Variants in CHD1 observed in about 807,000 individuals in gnomAD.
The protein encoded by CHD1 is ATP-dependent chromatin remodeler CHD1.
CHD1 carries 36 observed loss-of-function variants against 224.2 expected under a neutral mutation model. The ratio of observed to expected loss-of-function variants is 0.16; its 90% CI spans 0.12 to 0.21. CHD1 has a LOEUF of 0.21. Among genes scored for constraint, CHD1 ranks in the 10% least tolerant of loss-of-function variants. The pLI is 1.00. For synonymous variants in CHD1, 668 were observed against 658.3 expected (o/e 1.01, Z -0.23); for missense variants, 1,378 against 1,994.8 (o/e 0.69, Z 5.89).
intron 2 of CHD1, among the ~76,000 whole-genome samples, chr5:98,922,440 ATAGT>A (rs1580537524): frequency 6.6e-6 from 1 of 152,152 alleles, no homozygotes; most frequent in Admixed American, 6.5e-5. Context: ...CTTTCAGTGA[ATAGT>A]TATAGAGAGA....
intron 31 of CHD1, among the ~76,000 whole-genome samples, chr5:98,867,808 T>TG: frequency 6.8e-6 from 1 of 147,766 alleles, no homozygotes; most frequent in Non-Finnish European, 1.5e-5. Flanking sequence ...TTTTTTTTTT[T>TG]TTTTTTTTTT....
At chr5:98,881,831 A>G in intron 20 of CHD1, 144 bp downstream of exon 20, 1 of 648,440 alleles carries the variant, frequency 1.5e-6, no homozygotes, top group Middle Eastern at 4.3e-4. Context: ...TATGTCTTCT[A>G]ACTAGAAATT....
chr5:98,915,722 G>A (rs1015848922), intron 2 of CHD1, among the ~76,000 whole-genome samples: 1 of 152,154 alleles, frequency 6.6e-6, no homozygotes, highest in African/African-American at 2.4e-5. Flanking sequence ...AAAATCAAGT[G>A]AGGTGGGAGA....
At position 98,896,214 on chromosome 5, in the gene CHD1, G is replaced by T; in HGVS notation, c.1710+12C>A. The T allele has an allele frequency of 6.3e-7, 1 of 1,596,812 alleles. No homozygotes were observed. ...ACATTTTGATTTCTACATTTACAGG[G>T]AAACAACTTACCATGTTTCTGCTGT... On this transcript the variant is annotated intron_variant, in intron 12 of 35. Coordinates refer to ENST00000614616, the MANE Select transcript of CHD1 (RefSeq NM_001270.4).
chr5:98,904,028 C>T, intron 3 of CHD1, 120 bp from the exon 4 acceptor site: 1 of 620,330 alleles, frequency 1.6e-6, no homozygotes, highest in East Asian at 2.8e-5. Context: ...GACTATATTC[C>T]TTACCTATAT....
chr5:98,886,448 G>A (rs565534145), intron 17 of CHD1, among the ~76,000 whole-genome samples: 25 of 152,254 alleles, frequency 1.6e-4, no homozygotes, highest in African/African-American at 2.4e-4. Flanking sequence ...CATACTGAAC[G>A]CTTATTAAAC....
chr5:98,916,789 G>A (rs1192079374), intron 2 of CHD1, among the ~76,000 whole-genome samples: 2 of 152,108 alleles, frequency 1.3e-5, no homozygotes, highest in African/African-American at 4.8e-5. Context: ...GTATGTACCA[G>A]ATGCTAGGGT....
At chr5:98,885,534 A>G in intron 18 of CHD1, 44 bp downstream of exon 18, 1 of 1,164,952 alleles carries the variant, frequency 8.6e-7, no homozygotes, top group South Asian at 1.3e-5. Flanking sequence ...ATATACTGAT[A>G]CTAAATCAAA....
rs1315691423 is a variant in CHD1 at position 98,854,144 on chromosome 5, CTAA to C, written c.*2233_*2235del. 1.3e-5 allele frequency: 2 copies of C among 151,622 alleles called. No individual in the cohort carries two copies. Among genetic ancestry groups the C allele is most frequent in the South Asian group, 2.1e-4 (1 of 4,836 alleles). 9.4% of individuals were successfully genotyped at this position (151,622 alleles called of 1,614,324 possible). On this transcript the variant is annotated 3_prime_UTR_variant, in exon 36 of 36. Transcript: ENST00000614616. ...GAGAATGTTCTGCTATATTTATGTA[CTAA>C]TGTTCTTCACCATTGCGTCTTAATT...
At chr5:98,885,468 CTCTT>C in intron 18 of CHD1, 106 bp downstream of exon 18, 1 of 743,098 alleles carries the variant, frequency 1.3e-6, no homozygotes, top group Non-Finnish European at 2.2e-6. Flanking sequence ...GCTAACACCA[CTCTT>C]TTTTTATCAA....
chr5:98,862,976 A>C (rs1352827712), intron 32 of CHD1, among the ~76,000 whole-genome samples: 1 of 152,078 alleles, frequency 6.6e-6, no homozygotes, highest in African/African-American at 2.4e-5. Context: ...TTATTTTCCT[A>C]ATTTTTTGCA....
At chr5:98,905,251 T>A (rs1054626648) in intron 2 of CHD1, among the ~76,000 whole-genome samples, 153 bp from the exon 3 acceptor site, 14 of 152,230 alleles carry the variant, frequency 9.2e-5, no homozygotes, top group Non-Finnish European at 1.9e-4. Context: ...ATTGATTTAA[T>A]CTATAGTAAC....
chr5:98,886,320 C>CT (rs1241972526), intron 17 of CHD1: 4 of 152,208 alleles, frequency 2.6e-5, no homozygotes, highest in African/African-American at 9.7e-5. Flanking sequence ...TCTCCACAAA[C>CT]TTTTTCACCA....
At chr5:98,910,268 T>C (rs866790053) in intron 2 of CHD1, among the ~76,000 whole-genome samples, 1 of 152,184 alleles carries the variant, frequency 6.6e-6, no homozygotes, top group Non-Finnish European at 1.5e-5. Flanking sequence ...TTTATTTCAA[T>C]TTTAATAGTT....
At chr5:98,884,232 C>A (rs1053210866) in intron 18 of CHD1, among the ~76,000 whole-genome samples, 2 of 151,884 alleles carry the variant, frequency 1.3e-5, no homozygotes, top group Non-Finnish European at 2.9e-5. Flanking sequence ...CGCCACTACG[C>A]CCAGCTAATT....
chr5:98,898,831 C>T, intron 8 of CHD1, 67 bp from the exon 9 acceptor site: 2 of 854,262 alleles, frequency 2.3e-6, no homozygotes, highest in Non-Finnish European at 3.9e-6. Flanking sequence ...CTCCCCCATC[C>T]CCAACACTAT....
intron 31 of CHD1, among the ~76,000 whole-genome samples, chr5:98,864,694 AT>A (rs1461798931): frequency 3.9e-5 from 6 of 152,266 alleles, no homozygotes; most frequent in African/African-American, 1.4e-4. Flanking sequence ...TTTCAAAAAA[AT>A]AAAATAATAA....
intron 2 of CHD1, among the ~76,000 whole-genome samples, chr5:98,905,837 A>G (rs1409444634): frequency 6.6e-6 from 1 of 152,176 alleles, no homozygotes; most frequent in African/African-American, 2.4e-5. Flanking sequence ...TCCAAGATAG[A>G]GCAGAAATAG....
intron 26 of CHD1, among the ~76,000 whole-genome samples, 164 bp downstream of exon 26, chr5:98,873,429 T>A (rs1340228600): frequency 3.9e-5 from 6 of 152,192 alleles, no homozygotes; most frequent in South Asian, 2.1e-4. Context: ...CGAATTGCAA[T>A]TCTGTTCTCC....
Sources: allele counts gnomAD v4.1 joint callset (sites outside exome capture counted in the v4.1 genomes callset), GRCh38; gene constraint gnomAD v4.1.1; transcripts MANE v1.5; gene names NCBI Gene and HGNC (gene_info 2026-07-23, HGNC 2026-07-21).